The following NCAN variants were observed in gnomAD, a reference collection of about 807,000 sequenced individuals.
The protein encoded by NCAN is neurocan core protein.
NCAN carries 47 observed loss-of-function variants against 121.8 expected under a neutral mutation model. That is an observed-to-expected ratio of 0.39 (90% CI 0.31 to 0.49). The LOEUF (loss-of-function observed/expected upper bound fraction) is 0.49, where lower values mean the gene tolerates loss of function less well. NCAN is among the 20% of genes least tolerant of loss of function. The probability of loss-of-function intolerance (pLI) is 0.92; values close to 1 mark genes in which losing one functional copy is unlikely to be tolerated. For missense variants in NCAN, 1,517 were observed against 1,773.4 expected (o/e 0.86, Z 2.60); for synonymous variants, 633 against 702.0 (o/e 0.90, Z 1.55).
rs2060840614 is a variant in NCAN, at chr19:19,227,173, TCCCAGCTGGGTCCTCTGGC to T, written c.1661-102_1661-84del. On this transcript the variant is annotated intron_variant, in intron 7 of 14. Transcript: ENST00000252575. This position sits in a 1 kb window ranked among gnomAD's most constrained non-coding sequence, Gnocchi z 4.2. ...TCAGAATGAGGGAGGAAGCTCCAAATCCCAGCTGGGTCCTCTGGCCCCAGAAGCCCCCTCTCCCTTGGGC... is the reference window on the plus strand; with the variant it reads ...TCAGAATGAGGGAGGAAGCTCCAAATCCCAGAAGCCCCCTCTCCCTTGGGC... The T allele has an allele frequency of 6.7e-7, 1 of 1,491,634 alleles. No homozygotes were observed. The highest frequency in any genetic ancestry group is 8.9e-7 in the Non-Finnish European group (1 of 1,122,412). 92.4% of individuals were successfully genotyped at this position (1,491,634 alleles called of 1,614,324 possible). A position where few individuals can be genotyped will look rare whatever the true frequency, so the allele number is the denominator to read the frequency against.
intron 10 of NCAN, among the ~76,000 whole-genome samples, chr19:19,236,327 T>C (rs1473185640): frequency 1.3e-5 from 2 of 152,270 alleles, no homozygotes; most frequent in African/African-American, 4.8e-5. Context: ...GGTTCACCTG[T>C]ATTGTAATAT....
At chr19:19,238,199 G>A in intron 10 of NCAN, 54 bp from the exon 11 acceptor site, 1 of 1,608,980 alleles carries the variant, frequency 6.2e-7, no homozygotes, top group Non-Finnish European at 8.5e-7. Flanking sequence ...GCTCATGGCT[G>A]GTAGGCCTTG....
chr19:19,238,500 CT>C lies in NCAN; in HGVS notation c.3409+90del, dbSNP rs755016029. 3.4e-5 allele frequency: 52 copies of C among 1,514,522 alleles called. No individual in the cohort carries two copies. The East Asian group carries it at 1.2e-3, about 34-fold the overall frequency. The allele number at this position is 1,514,522 out of a possible 1,614,324, so 93.8% of individuals were successfully genotyped here. ...TTTGCCAGGGCATCGCATCCCTCCC[CT>C]GGTTTTCAAGACGTCATCTTTCCAA... On this transcript the variant is annotated intron_variant, in intron 11 of 14. Transcript: ENST00000252575.
chr19:19,233,689 AG>A, intron 8 of NCAN, 99 bp from the exon 9 acceptor site: 1 of 730,422 alleles, frequency 1.4e-6, no homozygotes, highest in South Asian at 1.6e-5. Context: ...CTCCATAGAG[AG>A]GGTTTGATTA....
rs185789123 is a variant in NCAN, at chr19:19,250,135, G to A, written c.*224G>A. 63 of 682,274 alleles carry A rather than the reference G, an allele frequency of 9.2e-5. No individual in the cohort carries two copies. Among genetic ancestry groups the A allele is most frequent in the Admixed American group, 3.5e-4 (17 of 48,918 alleles). 42.3% of individuals were successfully genotyped at this position (682,274 alleles called of 1,614,324 possible). On this transcript the variant is annotated 3_prime_UTR_variant, in exon 15 of 15. Transcript: ENST00000252575. ...CCAGGTGTCTGAAAAGTTCATTCTC[G>A]TCTGGCTGAACTCTGGGAGTGTGTC...
chr19:19,248,981 C>A, intron 14 of NCAN, 99 bp downstream of exon 14: 1 of 1,302,526 alleles, frequency 7.7e-7, no homozygotes, highest in Non-Finnish European at 1.1e-6. Context: ...GGCTTAATGT[C>A]TGCCTGATAA....
intron 10 of NCAN, 139 bp downstream of exon 10, chr19:19,235,235 C>T (rs2060876726): frequency 1.8e-6 from 1 of 547,246 alleles, no homozygotes. Context: ...TTCTTTTAGA[C>T]AAACTGTGCG....
At chr19:19,244,790 G>A (rs977144882) in intron 12 of NCAN, among the ~76,000 whole-genome samples, 8 of 142,388 alleles carry the variant, frequency 5.6e-5, no homozygotes, top group African/African-American at 1.8e-4. Context: ...GTACAATAGC[G>A]CAATCTCGGC....
chr19:19,240,804 C>A, intron 12 of NCAN, 119 bp downstream of exon 12: 1 of 972,386 alleles, frequency 1.0e-6, no homozygotes, highest in Non-Finnish European at 1.6e-6. Flanking sequence ...CTAGTGGCTC[C>A]AAGATGCTGG....
intron 10 of NCAN, among the ~76,000 whole-genome samples, chr19:19,235,628 A>C (rs2146549910): frequency 6.8e-6 from 1 of 147,314 alleles, no homozygotes; most frequent in East Asian, 2.1e-4. Context: ...CCAGGCTGGA[A>C]TGTAGTGGCA....
chr19:19,239,811 T>C (rs2060896337), intron 11 of NCAN, among the ~76,000 whole-genome samples: 2 of 115,406 alleles, frequency 1.7e-5, no homozygotes, highest in African/African-American at 6.9e-5. Context: ...CCTCCTCTTT[T>C]CTCCTCCCCA....
Position 19,238,312 on chromosome 19 carries a change from G to A in NCAN, c.3310G>A (p.Ala1104Thr). The A allele has an allele frequency of 6.2e-7, 1 of 1,614,210 alleles. No individual in the cohort carries two copies. Among genetic ancestry groups the A allele is most frequent in the Non-Finnish European group, 8.5e-7 (1 of 1,180,044 alleles). Residue 1104 changes from alanine (A) to threonine (T), a missense_variant, in exon 11 of 15, where the codon GCC (alanine) becomes ACC (threonine). Physicochemically the swap from Ala to Thr is moderately conservative, Grantham distance 58. Coordinates refer to ENST00000252575, the MANE Select transcript of NCAN (RefSeq NM_004386.3). Reference sequence around the variant, plus strand: ...CCAGGGCCACTGTTACCGCTATTTTGCCCACCGGAGGGCATGGGAAGATGC... The same window carrying A: ...CCAGGGCCACTGTTACCGCTATTTTACCCACCGGAGGGCATGGGAAGATGC... Reference protein sequence around the residue: ...KFQGHCYRYFAHRRAWEDAEK... With the variant: ...KFQGHCYRYFTHRRAWEDAEK...
chr19:19,224,840 A>C, intron 5 of NCAN, 137 bp from the exon 6 acceptor site: 4 of 720,136 alleles, frequency 5.6e-6, no homozygotes, highest in Admixed American at 7.4e-5. Context: ...AGCTGGACGC[A>C]CAGCTGCGGT....
intron 3 of NCAN, among the ~76,000 whole-genome samples, chr19:19,221,672 G>C (rs1023696629): frequency 1.3e-5 from 2 of 152,108 alleles, no homozygotes; most frequent in African/African-American, 4.8e-5. Context: ...GATTGCTTGA[G>C]CCCAGGAGTT....
At chr19:19,218,056 A>G (rs916953889) in intron 2 of NCAN, among the ~76,000 whole-genome samples, 1 of 151,658 alleles carries the variant, frequency 6.6e-6, no homozygotes, top group African/African-American at 2.4e-5. Context: ...AGGTAGGTGG[A>G]TCAGTTGAGG....
rs542871862 is a variant in NCAN at position 19,245,386 on chromosome 19, C to T, written c.3566C>T (p.Ala1189Val). 5.6e-6 allele frequency: 9 copies of T among 1,614,202 alleles called. No homozygotes were observed. In the East Asian group the frequency reaches 6.7e-5, roughly 12 times the overall value. ...GGCGAGGACTGTGTGGTGATGGTGG[C>T]GCATGAAAGCGGGCGCTGGAACGAT... ...AGGEDCVVMV[A>V]HESGRWNDVP... The change falls in exon 13 of 15, where the codon GCG becomes GTG. Residue 1189 changes from alanine to valine, a missense_variant. Physicochemically the swap from Ala to Val is moderately conservative, Grantham distance 64. Transcript: ENST00000252575.
intron 8 of NCAN, chr19:19,232,904 A>G (rs1040179729): frequency 6.6e-6 from 1 of 152,054 alleles, no homozygotes; most frequent in African/African-American, 2.4e-5. Flanking sequence ...TATAGAGAAG[A>G]TTAGCACAGC....
intron 14 of NCAN, chr19:19,249,106 G>C (rs1026948480): frequency 6.0e-6 from 3 of 500,228 alleles, no homozygotes; most frequent in African/African-American, 5.8e-5. Context: ...AGATGGAGTT[G>C]TGCTCTGTTG....
chr19:19,238,221 GC>G (rs756379330), intron 10 of NCAN, 31 bp from the exon 11 acceptor site: 1 of 1,613,050 alleles, frequency 6.2e-7, no homozygotes, highest in Admixed American at 1.7e-5. Flanking sequence ...GCCAAGGCCA[GC>G]CCCCCCTCAC....
Sources: gnomAD v4.1 joint callset for allele counts (sites outside exome capture counted in the v4.1 genomes callset) on GRCh38, gnomAD v4.1.1 for gene constraint, Gnocchi (gnomAD v3.1) non-coding constraint, MANE v1.5 for transcripts, NCBI Gene and HGNC (gene_info 2026-07-23, HGNC 2026-07-21) for gene names.